The following PXDNL variants were observed in gnomAD, a reference collection of about 807,000 sequenced individuals.
The protein encoded by PXDNL is probable oxidoreductase PXDNL.
In PXDNL, 145 loss-of-function variants were observed where a neutral mutation model predicts 150.8. The ratio of observed to expected loss-of-function variants is 0.96; its 90% CI spans 0.84 to 1.10. The LOEUF (loss-of-function observed/expected upper bound fraction) is 1.10. Ranked by LOEUF, PXDNL falls within the 50% of genes least tolerant of loss-of-function variation. PXDNL has a pLI of 0.00. For missense variants in PXDNL, 2,087 were observed against 1,873.9 expected, an observed-to-expected ratio of 1.11 and a Z score of -2.10; for synonymous variants, 757 against 725.7, an observed-to-expected ratio of 1.04 and a Z score of -0.69.
chr8:51,338,757 C>A (rs1485099875), intron 21 of PXDNL, among the ~76,000 whole-genome samples: 1 of 152,174 alleles, frequency 6.6e-6, no homozygotes, highest in Non-Finnish European at 1.5e-5. Flanking sequence ...GTTGATTCAT[C>A]CTCAAGTTTT....
chr8:51,398,618 G>T (rs1000964815), intron 17 of PXDNL, among the ~76,000 whole-genome samples: 6 of 152,360 alleles, frequency 3.9e-5, no homozygotes, highest in Non-Finnish European at 8.8e-5. Flanking sequence ...GCATTTGGAA[G>T]TTCAGCCACC....
intron 2 of PXDNL, among the ~76,000 whole-genome samples, chr8:51,623,206 C>T (rs569680057): frequency 1.1e-4 from 17 of 152,280 alleles, no homozygotes; most frequent in Admixed American, 9.8e-4. Flanking sequence ...CTGGAGAAAG[C>T]GATTCCCCAG....
chr8:51,476,452 A>G (rs6473605), intron 6 of PXDNL, among the ~76,000 whole-genome samples: 30,755 of 152,162 alleles, frequency 0.2, 4,267 homozygotes, highest in African/African-American at 0.39. Context: ...TGCTACATGT[A>G]GACTGTAACA....
At position 51,741,532 on chromosome 8, in the gene PXDNL, G is replaced by A. The variant is rs556735852; in HGVS notation, c.164+67649C>T. Among the ~76,000 whole-genome samples, 37 of 152,102 alleles carry A rather than the reference G, an allele frequency of 2.4e-4. No homozygotes were observed. In the Middle Eastern group the frequency reaches 0.014, roughly 56 times the overall value. ...TCTAAACAGCTAAAAAAGACAACTC[G>A]CAAAATTTGAAAAAGAAGAATTTAC... On this transcript the variant is annotated intron_variant, in intron 1 of 22. Coordinates refer to ENST00000356297, the MANE Select transcript of PXDNL (RefSeq NM_144651.5).
intron 4 of PXDNL, among the ~76,000 whole-genome samples, chr8:51,542,750 C>A (rs1260236553): frequency 2.0e-5 from 3 of 150,714 alleles, no homozygotes; most frequent in Non-Finnish European, 4.4e-5. Context: ...GCAGAGGTTG[C>A]AGTAAGCCAA....
At chr8:51,491,384 G>C (rs755495701) in intron 5 of PXDNL, among the ~76,000 whole-genome samples, 33 of 152,172 alleles carry the variant, frequency 2.2e-4, no homozygotes, top group Non-Finnish European at 4.1e-4. Flanking sequence ...TCTGGAGAGA[G>C]GGTCCAGGCT....
intron 16 of PXDNL, among the ~76,000 whole-genome samples, chr8:51,410,673 C>T (rs1025366470): frequency 6.6e-6 from 1 of 152,154 alleles, no homozygotes; most frequent in Non-Finnish European, 1.5e-5. Context: ...TCACTTATTT[C>T]ATTTGAAAGA....
At chr8:51,543,245 G>A (rs966916775) in intron 4 of PXDNL, among the ~76,000 whole-genome samples, 7 of 152,062 alleles carry the variant, frequency 4.6e-5, no homozygotes, top group South Asian at 2.1e-4. Flanking sequence ...CTTTATGCCC[G>A]GTGATACTAC....
intron 17 of PXDNL, among the ~76,000 whole-genome samples, chr8:51,402,904 T>TACAC (rs55768775): frequency 0.011 from 1,538 of 146,142 alleles, 9 homozygotes; most frequent in Middle Eastern, 0.04. Flanking sequence ...CTACTAAAAA[T>TACAC]ACACACACAC....
chr8:51,621,942 T>TC (rs1554559026), intron 2 of PXDNL, among the ~76,000 whole-genome samples: 1 of 30,822 alleles, frequency 3.2e-5, no homozygotes, highest in Non-Finnish European at 8.8e-5. Flanking sequence ...AGACCCTGTC[T>TC]CAAAAAAAAA....
At chr8:51,808,907 G>T (rs1402051166) in intron 1 of PXDNL, among the ~76,000 whole-genome samples, 2 of 152,200 alleles carry the variant, frequency 1.3e-5, no homozygotes, top group East Asian at 3.9e-4. Flanking sequence ...AATTATTGAA[G>T]GAAGAATGAA....
chr8:51,802,441 G>A (rs1258305190), intron 1 of PXDNL, among the ~76,000 whole-genome samples: 3 of 152,064 alleles, frequency 2.0e-5, no homozygotes, highest in Non-Finnish European at 2.9e-5. Context: ...AAGCAAATTC[G>A]TAAACTTTCT....
chr8:51,785,570 T>C (rs577436562), intron 1 of PXDNL, among the ~76,000 whole-genome samples: 1 of 152,200 alleles, frequency 6.6e-6, no homozygotes, highest in Non-Finnish European at 1.5e-5. Context: ...ATTTCAAATG[T>C]TTTCATTATT....
At chr8:51,540,908 T>C (rs1481082786) in intron 4 of PXDNL, among the ~76,000 whole-genome samples, 1 of 152,160 alleles carries the variant, frequency 6.6e-6, no homozygotes, top group Non-Finnish European at 1.5e-5. Context: ...GACTGGATGA[T>C]GGAAACTGTG....
intron 4 of PXDNL, among the ~76,000 whole-genome samples, chr8:51,504,679 T>C (rs1811249976): frequency 6.6e-6 from 1 of 152,246 alleles, no homozygotes; most frequent in Non-Finnish European, 1.5e-5. Context: ...ACAGAAATTA[T>C]ATTGGATTTA....
rs1450181084 is a variant in PXDNL at position 51,709,336 on chromosome 8, GCTCCGC to G, written c.165-54582_165-54577del. 2.0e-5 allele frequency among the ~76,000 whole-genome samples: 3 copies of G among 151,608 alleles called. No individual in the cohort carries two copies. The East Asian group carries it at 5.8e-4, about 30-fold the overall frequency. ...ATGGTGCAATCTTGGCTCACTGCAA[GCTCCGC>G]CTCCCGGGTTCACGCCATTCTCCCG... On this transcript the variant is annotated intron_variant, in intron 1 of 22. Transcript: ENST00000356297.
At chr8:51,398,565 C>T (rs954117677) in intron 17 of PXDNL, among the ~76,000 whole-genome samples, 2 of 152,186 alleles carry the variant, frequency 1.3e-5, no homozygotes, top group Non-Finnish European at 2.9e-5. Context: ...CTCTACTCAA[C>T]AGAGCTGAAA....
chr8:51,688,027 A>C (rs1429958981), intron 1 of PXDNL, among the ~76,000 whole-genome samples: 1 of 152,242 alleles, frequency 6.6e-6, no homozygotes, highest in African/African-American at 2.4e-5. Context: ...TCTTCTGCTC[A>C]GTGAAGTAGG....
At chr8:51,749,229 C>T (rs567357861) in intron 1 of PXDNL, among the ~76,000 whole-genome samples, 6 of 152,152 alleles carry the variant, frequency 3.9e-5, no homozygotes, top group Admixed American at 6.5e-5. Flanking sequence ...TCCTACGACA[C>T]TCTCGGAAGG....
Sources: gnomAD v4.1 joint callset for allele counts (sites outside exome capture counted in the v4.1 genomes callset) on GRCh38, gnomAD v4.1.1 for gene constraint, MANE v1.5 for transcripts, NCBI Gene and HGNC (gene_info 2026-07-23, HGNC 2026-07-21) for gene names.